The following CCDC50 variants were observed in gnomAD, a reference collection of about 807,000 sequenced individuals.
The protein encoded by CCDC50 is coiled-coil domain containing 50, also known as coiled-coil domain-containing protein 50.
Under a neutral mutation model 70.2 loss-of-function variants are expected in CCDC50, and 54 were observed. That is an observed-to-expected ratio of 0.77 (90% CI 0.62 to 0.96). The LOEUF (loss-of-function observed/expected upper bound fraction) is 0.96. Among genes scored for constraint, CCDC50 ranks in the 50% least tolerant of loss-of-function variants. The probability of loss-of-function intolerance (pLI) is 0.00; values close to 1 mark genes in which losing one functional copy is unlikely to be tolerated. For synonymous variants in CCDC50, 216 were observed against 198.8 expected (o/e 1.09, Z -0.73); for missense variants, 558 against 578.7 (o/e 0.96, Z 0.37).
chr3:191,389,337 T>G (rs1713603088), intron 10 of CCDC50, among the ~76,000 whole-genome samples, 159 bp from the exon 11 acceptor site: 2 of 152,232 alleles, frequency 1.3e-5, no homozygotes, highest in African/African-American at 4.8e-5. Flanking sequence ...AATAATTTAT[T>G]CAAGGCCATG....
chr3:191,356,498 A>G lies in CCDC50; in HGVS notation c.50-590A>G, dbSNP rs1460037303. ...GGACCTAGAGACCTAGTTCTAACTCATGTCCCTGGGGATTGACCCACTGAA... is the reference window on the plus strand; with the variant it reads ...GGACCTAGAGACCTAGTTCTAACTCGTGTCCCTGGGGATTGACCCACTGAA... On this transcript the variant is annotated intron_variant, in intron 1 of 11. Transcript: ENST00000392455. Among the ~76,000 whole-genome samples, 3 of 152,212 alleles carry G rather than the reference A, an allele frequency of 2.0e-5. No individual in the cohort carries two copies. The East Asian group carries it at 5.8e-4, about 29-fold the overall frequency.
At chr3:191,357,045 T>A in intron 1 of CCDC50, 43 bp from the exon 2 acceptor site, 1 of 1,245,534 alleles carries the variant, frequency 8.0e-7, no homozygotes, top group East Asian at 2.3e-5. Context: ...GTTAAAGTAT[T>A]ACTAATGAGC....
At chr3:191,329,863 GGAATT>G (rs1458670039) in intron 1 of CCDC50, 140 bp downstream of exon 1, 1 of 662,426 alleles carries the variant, frequency 1.5e-6, no homozygotes, top group African/African-American at 2.0e-5. Context: ...GGACGTGAAA[GGAATT>G]GAATTCAGGT....
In CCDC50 at chr3:191,379,748, T is replaced by TC. The variant is rs1713245753; in HGVS notation, c.977-411_977-410insC. Among the ~76,000 whole-genome samples the TC allele has an allele frequency of 2.4e-4, 36 of 152,234 alleles. No individual in the cohort carries two copies. The South Asian group carries it at 7.5e-3, about 32-fold the overall frequency. ...GCTGAGATAAATAGAAAGAAGCCTC[T>TC]ACTCTCCTCCAGCCTTGACAGCTTA... On this transcript the variant is annotated intron_variant, in intron 6 of 11. Coordinates refer to ENST00000392455, the MANE Select transcript of CCDC50 (RefSeq NM_178335.3).
intron 10 of CCDC50, among the ~76,000 whole-genome samples, chr3:191,389,231 T>C (rs958880047): frequency 6.6e-6 from 1 of 152,208 alleles, no homozygotes; most frequent in Non-Finnish European, 1.5e-5. Context: ...CTCACTAATC[T>C]TTGTTTATTT....
chr3:191,330,722 T>G (rs1431352596), intron 1 of CCDC50, among the ~76,000 whole-genome samples: 1 of 152,208 alleles, frequency 6.6e-6, no homozygotes, highest in Non-Finnish European at 1.5e-5. Flanking sequence ...TTGGAACCGC[T>G]TGTTTTATTG....
chr3:191,375,633 T>TA lies in CCDC50; in HGVS notation c.976+46dup, dbSNP rs757126386. On this transcript the variant is annotated intron_variant, in intron 6 of 11. Coordinates refer to ENST00000392455, the MANE Select transcript of CCDC50 (RefSeq NM_178335.3). ...GATGGAAGTCCTGGTATCATGTATA[T>TA]AACTACAAACCAATGAATTTAATAA... The TA allele has an allele frequency of 1.9e-6, 3 of 1,591,276 alleles. No homozygotes were observed. The East Asian group carries it at 6.8e-5, about 36-fold the overall frequency.
chr3:191,383,938 T>A (rs1257969265), intron 10 of CCDC50, among the ~76,000 whole-genome samples: 1 of 152,176 alleles, frequency 6.6e-6, no homozygotes, highest in Non-Finnish European at 1.5e-5. Flanking sequence ...TACATCTGGA[T>A]TATTATCCTT....
At chr3:191,389,255 A>G (rs1446780601) in intron 10 of CCDC50, among the ~76,000 whole-genome samples, 1 of 152,202 alleles carries the variant, frequency 6.6e-6, no homozygotes, top group East Asian at 1.9e-4. Context: ...CCAGTTCCTA[A>G]CATGTATTAG....
chr3:191,391,611 C>T (rs1260197929), intron 11 of CCDC50, 130 bp from the exon 12 acceptor site: 4 of 827,648 alleles, frequency 4.8e-6, no homozygotes, highest in African/African-American at 3.4e-5. Flanking sequence ...GTATATATGT[C>T]ACAATCAAGA....
At position 191,353,734 on chromosome 3, in the gene CCDC50, A is replaced by G. The variant is rs955230030; in HGVS notation, c.50-3354A>G. ...GAAGAAATTATATATTGGGCAAGTA[A>G]TATTTCAGTATAAATGAGATTATAT... On this transcript the variant is annotated intron_variant, in intron 1 of 11. Coordinates refer to ENST00000392455, the MANE Select transcript of CCDC50 (RefSeq NM_178335.3). Among the ~76,000 whole-genome samples, 12 of 142,004 alleles carry G rather than the reference A, an allele frequency of 8.5e-5. 3 individuals carry two copies. The highest frequency in any genetic ancestry group is 7.9e-4 in the Admixed American group (11 of 13,898). 93.2% of individuals were successfully genotyped at this position (142,004 alleles called of 152,430 possible). A position where few individuals can be genotyped will look rare whatever the true frequency, so the allele number is the denominator to read the frequency against.
chr3:191,375,801 G>C (rs937285034), intron 6 of CCDC50, among the ~76,000 whole-genome samples: 2 of 152,146 alleles, frequency 1.3e-5, no homozygotes, highest in Non-Finnish European at 2.9e-5. Context: ...CCTTCTGTGA[G>C]AATGCACTGA....
At position 191,381,523 on chromosome 3, in the gene CCDC50, G is replaced by T. The variant is rs76029085; in HGVS notation, c.1242+591G>T. The stretch of plus-strand genomic sequence containing the variant: ...CAGTTACTGCAATTCATTTTGCTGC[G>T]GTAATTGTGAGTTCCAGCTTAGCAG... On this transcript the variant is annotated intron_variant, in intron 9 of 11. Transcript: ENST00000392455. Among the ~76,000 whole-genome samples the T allele has an allele frequency of 6.1e-3, 936 of 152,240 alleles. 12 individuals carry two copies. Among genetic ancestry groups the T allele is most frequent in the African/African-American group, 0.021 (873 of 41,548 alleles).
In CCDC50 at chr3:191,353,132, G is replaced by A. The variant is rs141227462; in HGVS notation, c.50-3956G>A. Among the ~76,000 whole-genome samples the A allele has an allele frequency of 2.8e-3, 398 of 142,244 alleles. 49 individuals carry two copies. The highest frequency in any genetic ancestry group is 8.2e-3 in the African/African-American group (328 of 39,924). 93.3% of individuals were successfully genotyped at this position (142,244 alleles called of 152,430 possible). A position where few individuals can be genotyped will look rare whatever the true frequency, so the allele number is the denominator to read the frequency against. On this transcript the variant is annotated intron_variant, in intron 1 of 11. Transcript: ENST00000392455. ...TTTCTTTCTGTTAATGCTCTTCTAA[G>A]CAATGAGGCAGAGTTGTACGGCTTT...
intron 4 of CCDC50, 93 bp from the exon 5 acceptor site, chr3:191,369,826 A>C (rs1053281489): frequency 1.1e-6 from 1 of 876,396 alleles, no homozygotes; most frequent in African/African-American, 1.6e-5. Flanking sequence ...GACAGAGCAC[A>C]TACAAACTTG....
At chr3:191,380,125 T>G in intron 6 of CCDC50, 34 bp from the exon 7 acceptor site, 1 of 1,303,436 alleles carries the variant, frequency 7.7e-7, no homozygotes, top group Middle Eastern at 1.9e-4. Context: ...TCCTCGGTTG[T>G]TTTATTACAT....
chr3:191,385,269 A>AT (rs1258344887), intron 10 of CCDC50, among the ~76,000 whole-genome samples: 1 of 152,200 alleles, frequency 6.6e-6, no homozygotes, highest in East Asian at 1.9e-4. Flanking sequence ...ACTAATCTGA[A>AT]TTCCCATCAA....
rs766000838 is a variant in CCDC50 at position 191,375,166 on chromosome 3, G to C, written c.553G>C (p.Glu185Gln). ...TGTGAAGCACAAGAAAGAGAAACCA[G>C]AACATCCACTGGAGAACTTGGAAGA... ...KTVKHKKEKP[E>Q]HPLENLEEPE... The change falls in exon 6 of 12, where the codon GAA becomes CAA. Residue 185 changes from glutamate to glutamine, a missense_variant. By Grantham distance (29) the Glu-to-Gln change is conservative. Coordinates refer to ENST00000392455, the MANE Select transcript of CCDC50 (RefSeq NM_178335.3). The C allele has an allele frequency of 1.2e-6, 2 of 1,613,770 alleles. No homozygotes were observed. The highest frequency in any genetic ancestry group is 1.7e-6 in the Non-Finnish European group (2 of 1,179,810).
chr3:191,340,384 A>G (rs1711680800), intron 1 of CCDC50, among the ~76,000 whole-genome samples: 1 of 152,224 alleles, frequency 6.6e-6, no homozygotes, highest in Non-Finnish European at 1.5e-5. Flanking sequence ...CTAAAGTGTC[A>G]TGGAGATTTA....
Sources: gnomAD v4.1 joint callset for allele counts (sites outside exome capture counted in the v4.1 genomes callset) on GRCh38, gnomAD v4.1.1 for gene constraint, MANE v1.5 for transcripts, NCBI Gene and HGNC (gene_info 2026-07-23, HGNC 2026-07-21) for gene names.